FLRT1: variants seen among roughly 807,000 people sequenced by gnomAD.
FLRT1 encodes the protein leucine-rich repeat transmembrane protein FLRT1.
In FLRT1, 14 loss-of-function variants were observed where a neutral mutation model predicts 30.9. The ratio of observed to expected loss-of-function variants is 0.45; its 90% CI spans 0.30 to 0.71. The LOEUF (loss-of-function observed/expected upper bound fraction) is 0.71, where lower values mean the gene tolerates loss of function less well. Among genes scored for constraint, FLRT1 ranks in the 30% least tolerant of loss-of-function variants. The pLI is 0.08. For synonymous variants in FLRT1, 368 were observed against 430.4 expected (o/e 0.85, Z 1.80); for missense variants, 737 against 949.2 (o/e 0.78, Z 2.94).
At chr11:64,099,004 G>A (rs559977675) in intron 1 of FLRT1, among the ~76,000 whole-genome samples, 1 of 152,362 alleles carries the variant, frequency 6.6e-6, no homozygotes, top group East Asian at 1.9e-4. Flanking sequence ...GCTATGAACT[G>A]TAAAGCTGAG....
chr11:64,079,290 C>T (rs761496304), intron 1 of FLRT1, among the ~76,000 whole-genome samples: 1 of 151,832 alleles, frequency 6.6e-6, no homozygotes, highest in Non-Finnish European at 1.5e-5. Flanking sequence ...GTGCAGCTGG[C>T]GCTGCAGATG....
intron 1 of FLRT1, among the ~76,000 whole-genome samples, chr11:64,038,264 C>T (rs765039439): frequency 6.6e-6 from 1 of 152,206 alleles, no homozygotes; most frequent in Non-Finnish European, 1.5e-5. Context: ...GAGCCTGTGT[C>T]GCATTCACTG....
At chr11:64,061,387 G>C (rs1943900993) in intron 1 of FLRT1, among the ~76,000 whole-genome samples, 1 of 152,212 alleles carries the variant, frequency 6.6e-6, no homozygotes, top group South Asian at 2.1e-4. Flanking sequence ...AGAGGAATGG[G>C]CTTGGCCCGC....
intron 1 of FLRT1, among the ~76,000 whole-genome samples, chr11:64,098,967 T>C (rs1218968100): frequency 6.6e-6 from 1 of 152,234 alleles, no homozygotes; most frequent in Admixed American, 6.5e-5. Flanking sequence ...TAGGAATTAA[T>C]ATCAGAGAGC....
intron 2 of FLRT1, among the ~76,000 whole-genome samples, chr11:64,111,465 G>A (rs944529345): frequency 6.6e-6 from 1 of 152,212 alleles, no homozygotes; most frequent in African/African-American, 2.4e-5. Context: ...GTGGCTTGAG[G>A]CAGGACCTCC....
chr11:64,100,593 C>G (rs139861612), intron 1 of FLRT1, among the ~76,000 whole-genome samples: 1 of 152,158 alleles, frequency 6.6e-6, no homozygotes, highest in Non-Finnish European at 1.5e-5. Flanking sequence ...GCCAGGCGCA[C>G]GCATTTACAT....
In FLRT1 at chr11:64,118,351, C is replaced by G; in HGVS notation, c.*59C>G. ...CAGCTGCCCTGGCGTGGCCATGTGGCTTTGCCCAGCCTGCTGCAATCCAAG... is the reference window on the plus strand; with the variant it reads ...CAGCTGCCCTGGCGTGGCCATGTGGGTTTGCCCAGCCTGCTGCAATCCAAG... On this transcript the variant is annotated 3_prime_UTR_variant, in exon 3 of 3. Coordinates refer to ENST00000682287, the MANE Select transcript of FLRT1 (RefSeq NM_013280.5). The G allele has an allele frequency of 6.7e-7, 1 of 1,488,334 alleles. No homozygotes were observed. The highest frequency in any genetic ancestry group is 1.4e-5 in the African/African-American group (1 of 71,564). 92.2% of individuals were successfully genotyped at this position (1,488,334 alleles called of 1,614,324 possible).
chr11:64,044,918 C>A (rs1943556451), intron 1 of FLRT1, among the ~76,000 whole-genome samples: 1 of 152,190 alleles, frequency 6.6e-6, no homozygotes, highest in African/African-American at 2.4e-5. Context: ...GGGGCTGGTA[C>A]TGACAGTAGG....
rs1182446518 is a variant in FLRT1 at position 64,119,097 on chromosome 11, A to T, written c.*805A>T. 1 of 167,254 alleles carries T rather than the reference A, an allele frequency of 6.0e-6. No individual in the cohort carries two copies. The highest frequency in any genetic ancestry group is 1.5e-5 in the Non-Finnish European group (1 of 68,128). The allele number at this position is 167,254 out of a possible 1,614,324, so 10.4% of individuals were successfully genotyped here. ...TCTCTAAGTACAGATGGGTAGATAGAGCCACATGCACGGTCCTTACCGTTC... is the reference window on the plus strand; with the variant it reads ...TCTCTAAGTACAGATGGGTAGATAGTGCCACATGCACGGTCCTTACCGTTC... On this transcript the variant is annotated 3_prime_UTR_variant, in exon 3 of 3. Coordinates refer to ENST00000682287, the MANE Select transcript of FLRT1 (RefSeq NM_013280.5).
intron 1 of FLRT1, among the ~76,000 whole-genome samples, chr11:64,060,013 G>GC (rs1464743114): frequency 6.6e-6 from 1 of 152,152 alleles, no homozygotes; most frequent in Non-Finnish European, 1.5e-5. Flanking sequence ...ACGTCCAGGG[G>GC]CCCCCCTCCC....
Position 64,036,603 on chromosome 11 carries a change from C to T in FLRT1, c.-1038+444C>T, listed in dbSNP as rs1293564277. 6.6e-6 allele frequency among the ~76,000 whole-genome samples: 1 copy of T among 152,196 alleles called. No individual in the cohort carries two copies. The highest frequency in any genetic ancestry group is 6.5e-5 in the Admixed American group (1 of 15,290). On this transcript the variant is annotated intron_variant, in intron 1 of 2. Coordinates refer to ENST00000682287, the MANE Select transcript of FLRT1 (RefSeq NM_013280.5). The surrounding 1 kb of genome is among the most constrained non-coding windows in gnomAD (Gnocchi z 5.6). ...GCCAGGGACAGCCGGCCGGCCTGGG[C>T]GCCGCGCTCCCGTCCCCACCAGCCG... is the stretch of plus-strand genomic sequence containing the variant.
chr11:64,046,791 G>A (rs986964932), intron 1 of FLRT1, among the ~76,000 whole-genome samples: 4 of 152,156 alleles, frequency 2.6e-5, no homozygotes, highest in African/African-American at 4.8e-5. Context: ...GAGCCGCTGC[G>A]CCTGGCCTGG....
chr11:64,107,032 C>T (rs1223649658), intron 2 of FLRT1, among the ~76,000 whole-genome samples: 1 of 152,162 alleles, frequency 6.6e-6, no homozygotes, highest in Non-Finnish European at 1.5e-5. Context: ...TACAGGCATG[C>T]ACCACCATGC....
At position 64,116,695 on chromosome 11, in the gene FLRT1, C is replaced by G. The variant is rs781312114; in HGVS notation, c.428C>G (p.Ala143Gly). The G allele has an allele frequency of 1.2e-6, 2 of 1,613,914 alleles. No homozygotes were observed. The highest frequency in any genetic ancestry group is 2.2e-5 in the South Asian group (2 of 91,086). ...HLQDNNVRTIARDSLARIPLL... is the reference protein window; with the variant it reads ...HLQDNNVRTIGRDSLARIPLL... ...CAGGACAACAATGTGCGCACCATTG[C>G]CAGGGACTCGCTGGCCCGCATCCCG... Residue 143 changes from alanine (A) to glycine (G), a missense_variant, in exon 3 of 3, where the codon GCC becomes GGC. By Grantham distance (60) the Ala-to-Gly change is moderately conservative (BLOSUM62 0). Coordinates refer to ENST00000682287, the MANE Select transcript of FLRT1 (RefSeq NM_013280.5).
Position 64,105,744 on chromosome 11 carries a change from C to T in FLRT1, c.-50+1563C>T, listed in dbSNP as rs549977223. Among the ~76,000 whole-genome samples the T allele has an allele frequency of 1.2e-3, 183 of 152,288 alleles. 3 individuals carry two copies. In the South Asian group the frequency reaches 0.036, roughly 30 times the overall value. On this transcript the variant is annotated intron_variant, in intron 2 of 2. Coordinates refer to ENST00000682287, the MANE Select transcript of FLRT1 (RefSeq NM_013280.5). ...TTGAGACACTGTTCCCCAGCATCCT[C>T]CCTGTGCCAAACCCCTGGGAAAGGG...
intron 1 of FLRT1, among the ~76,000 whole-genome samples, chr11:64,041,593 G>A (rs1943488603): frequency 6.6e-6 from 1 of 152,036 alleles, no homozygotes; most frequent in South Asian, 2.1e-4. Context: ...ACAGATGAAT[G>A]AATGGAAAAA....
chr11:64,037,815 T>G (rs944524194), intron 1 of FLRT1, among the ~76,000 whole-genome samples: 2 of 152,242 alleles, frequency 1.3e-5, no homozygotes, highest in African/African-American at 4.8e-5. Context: ...GCATCCGCAC[T>G]CTACCATTTA....
At chr11:64,038,627 C>A (rs904961468) in intron 1 of FLRT1, among the ~76,000 whole-genome samples, 3 of 152,180 alleles carry the variant, frequency 2.0e-5, no homozygotes, top group Admixed American at 1.3e-4. Context: ...TAGCAGCCCC[C>A]TCCCCAGCCA....
At chr11:64,049,865 C>T (rs1052072971) in intron 1 of FLRT1, among the ~76,000 whole-genome samples, 1 of 152,202 alleles carries the variant, frequency 6.6e-6, no homozygotes, top group Non-Finnish European at 1.5e-5. Flanking sequence ...TCCACCCCAC[C>T]ATCCCCCAGC....
Sources: gnomAD v4.1 joint callset for allele counts (sites outside exome capture counted in the v4.1 genomes callset) on GRCh38, gnomAD v4.1.1 for gene constraint, Gnocchi (gnomAD v3.1) non-coding constraint, MANE v1.5 for transcripts, NCBI Gene and HGNC (gene_info 2026-07-23, HGNC 2026-07-21) for gene names.